DHRSX: variants seen among roughly 807,000 people sequenced by gnomAD.
DHRSX encodes polyprenol dehydrogenase.
A neutral mutation model predicts 34.0 loss-of-function variants in DHRSX; 31 were observed. That is an observed-to-expected ratio of 0.91 (90% CI 0.69 to 1.23). The LOEUF is 1.23. DHRSX is among the 50% of genes most tolerant of loss of function. DHRSX has a pLI of 0.00. For missense variants in DHRSX, 414 were observed against 428.1 expected, an observed-to-expected ratio of 0.97 and a Z score of 0.29; for synonymous variants, 201 against 183.8, an observed-to-expected ratio of 1.09 and a Z score of -0.76.
At chrX:2,438,214 T>C (rs944253278) in intron 1 of DHRSX, among the ~76,000 whole-genome samples, 1 of 148,976 alleles carries the variant, frequency 6.7e-6, no homozygotes, top group African/African-American at 2.5e-5. Context: ...TCATTCATTT[T>C]AGGAACAGAA....
intron 3 of DHRSX, among the ~76,000 whole-genome samples, chrX:2,360,339 C>T (rs1220883702): frequency 1.3e-5 from 2 of 152,144 alleles, no homozygotes; most frequent in South Asian, 2.1e-4. Flanking sequence ...AATCCCAGCA[C>T]TTTGGGAGGC....
At position 2,319,095 on chromosome X, in the gene DHRSX, A is replaced by G. The variant is rs765223815; in HGVS notation, c.287-27492T>C. Among the ~76,000 whole-genome samples the G allele has an allele frequency of 2.2e-3, 328 of 151,982 alleles. 1 individual carries two copies. The highest frequency in any genetic ancestry group is 7.2e-3 in the African/African-American group (300 of 41,502). On this transcript the variant is annotated intron_variant, in intron 3 of 6. Transcript: ENST00000334651. ...TTCCACATCTTTTAAACAGTGGGTT[A>G]AAAAAAATCAAAAGAAGGATAACAC...
chrX:2,467,723 C>T (rs2044518196), intron 1 of DHRSX, among the ~76,000 whole-genome samples: 3 of 152,036 alleles, frequency 2.0e-5, no homozygotes, highest in Non-Finnish European at 4.4e-5. Flanking sequence ...ACCTGTAATC[C>T]CAGCACTTTG....
intron 1 of DHRSX, among the ~76,000 whole-genome samples, chrX:2,465,889 G>A (rs181899109): frequency 4.8e-4 from 72 of 151,310 alleles, no homozygotes; most frequent in Non-Finnish European, 8.7e-4. Context: ...ATCTGCAACA[G>A]GGCATCACGC....
intron 1 of DHRSX, among the ~76,000 whole-genome samples, chrX:2,439,977 A>C (rs2044042554): frequency 6.6e-6 from 1 of 152,178 alleles, no homozygotes; most frequent in Non-Finnish European, 1.5e-5. Flanking sequence ...ATTCATTAAA[A>C]TGGGTCCACG....
rs1213954456 is a variant in DHRSX, at chrX:2,360,879, T to A, written c.286+47866A>T. Among the ~76,000 whole-genome samples, 5 of 152,074 alleles carry A rather than the reference T, an allele frequency of 3.3e-5. No homozygotes were observed. In the East Asian group the frequency reaches 9.6e-4, roughly 29 times the overall value. ...GTTAGATATGTCACGGTTGAATGAC[T>A]AAACACCAAATACATATCCGGAGCG... is the stretch of plus-strand genomic sequence containing the variant. On this transcript the variant is annotated intron_variant, in intron 3 of 6. Coordinates refer to ENST00000334651, the MANE Select transcript of DHRSX (RefSeq NM_145177.3).
chrX:2,459,742 TAC>T (rs1368570556), intron 1 of DHRSX, among the ~76,000 whole-genome samples: 12 of 151,944 alleles, frequency 7.9e-5, no homozygotes, highest in Non-Finnish European at 1.5e-4. Flanking sequence ...CTTAATTCAA[TAC>T]AGTTTATATG....
chrX:2,497,328 G>C (rs1237605221), intron 1 of DHRSX, among the ~76,000 whole-genome samples: 1 of 152,220 alleles, frequency 6.6e-6, no homozygotes, highest in South Asian at 2.1e-4. Context: ...GGGAGGCAGA[G>C]GTTGTGGTGA....
rs1165637321 is a variant in DHRSX, at chrX:2,486,187, C to T, written c.109+14630G>A. Among the ~76,000 whole-genome samples, 4 of 152,174 alleles carry T rather than the reference C, an allele frequency of 2.6e-5. No individual in the cohort carries two copies. In the East Asian group the frequency reaches 5.8e-4, roughly 22 times the overall value. Reference sequence around the variant, plus strand: ...CCCGGGGAACACTTTCACCAGCTGCCGGCTTTATTCACTCAGAAATTTTGA... The same window carrying T: ...CCCGGGGAACACTTTCACCAGCTGCTGGCTTTATTCACTCAGAAATTTTGA... On this transcript the variant is annotated intron_variant, in intron 1 of 6. Transcript: ENST00000334651.
chrX:2,234,902 G>A (rs994249832), intron 6 of DHRSX, among the ~76,000 whole-genome samples: 18 of 152,094 alleles, frequency 1.2e-4, no homozygotes, highest in Non-Finnish European at 2.6e-4. Flanking sequence ...GTAGAGACGG[G>A]GTTTCACCAT....
intron 3 of DHRSX, among the ~76,000 whole-genome samples, chrX:2,370,515 C>A (rs2043044722): frequency 6.7e-6 from 1 of 150,214 alleles, no homozygotes; most frequent in South Asian, 2.1e-4. Flanking sequence ...CATCATTCCA[C>A]ACAACTGTGC....
chrX:2,476,409 AAAAG>A (rs2044679768), intron 1 of DHRSX, among the ~76,000 whole-genome samples: 1 of 151,882 alleles, frequency 6.6e-6, no homozygotes, highest in African/African-American at 2.4e-5. Flanking sequence ...AAAAAAAAAA[AAAAG>A]AAAGAAAAGA....
chrX:2,268,447 T>C (rs2041504173), intron 4 of DHRSX, among the ~76,000 whole-genome samples: 1 of 152,270 alleles, frequency 6.6e-6, no homozygotes, highest in South Asian at 2.1e-4. Context: ...TATACATATA[T>C]GCATACGCAT....
intron 3 of DHRSX, among the ~76,000 whole-genome samples, chrX:2,304,049 A>ATGGATGGATGGG (rs2042059001): frequency 8.1e-6 from 1 of 122,708 alleles, no homozygotes; most frequent in East Asian, 2.4e-4. Flanking sequence ...GGATGGATGG[A>ATGGATGGATGGG]TGGATGGATG....
At chrX:2,488,489 A>G (rs4892932) in intron 1 of DHRSX, 1,015,930 of 1,137,154 alleles carry the variant, frequency 0.89, 454,734 homozygotes, top group East Asian at 1. Flanking sequence ...CTCACTTCTC[A>G]AATCTCTTTC....
chrX:2,290,075 A>G (rs2041848260), intron 4 of DHRSX, among the ~76,000 whole-genome samples: 1 of 152,216 alleles, frequency 6.6e-6, no homozygotes, highest in Admixed American at 6.5e-5. Flanking sequence ...ACAAATACAT[A>G]TGCACTCACA....
chrX:2,324,775 T>C (rs960333394), intron 3 of DHRSX, among the ~76,000 whole-genome samples: 8 of 149,688 alleles, frequency 5.3e-5, no homozygotes, highest in African/African-American at 2.0e-4. Flanking sequence ...TTTTCTTTTT[T>C]TTTTTTTTTT....
At chrX:2,361,769 T>C (rs2042937097) in intron 3 of DHRSX, among the ~76,000 whole-genome samples, 1 of 152,214 alleles carries the variant, frequency 6.6e-6, no homozygotes, top group Admixed American at 6.5e-5. Flanking sequence ...AGAAGATGTC[T>C]GGATAAGCAC....
intron 3 of DHRSX, among the ~76,000 whole-genome samples, chrX:2,381,833 CAT>C (rs1351295676): frequency 1.4e-5 from 2 of 140,424 alleles, no homozygotes; most frequent in South Asian, 2.3e-4. Context: ...CAGCAACACA[CAT>C]GAGGTGAGAA....
Sources: allele counts gnomAD v4.1 joint callset (sites outside exome capture counted in the v4.1 genomes callset), GRCh38; gene constraint gnomAD v4.1.1; transcripts MANE v1.5; gene names NCBI Gene and HGNC (gene_info 2026-07-23, HGNC 2026-07-21).